Variants in MTUS2 observed in about 807,000 individuals in gnomAD.
The protein encoded by MTUS2 is microtubule associated scaffold protein 2.
Under a neutral mutation model 114.1 loss-of-function variants are expected in MTUS2, and 40 were observed. That is an observed-to-expected ratio of 0.35 (90% CI 0.27 to 0.46). The LOEUF (loss-of-function observed/expected upper bound fraction) is 0.46, where lower values mean the gene tolerates loss of function less well. MTUS2 is among the 20% of genes least tolerant of loss of function. The probability of loss-of-function intolerance (pLI) is 1.00; values close to 1 mark genes in which losing one functional copy is unlikely to be tolerated. For missense variants in MTUS2, 1,679 were observed against 1,705.4 expected (o/e 0.98, Z 0.27); for synonymous variants, 688 against 672.0 (o/e 1.02, Z -0.37).
chr13:29,128,853 A>G (rs1215319999), intron 5 of MTUS2, among the ~76,000 whole-genome samples: 2 of 152,160 alleles, frequency 1.3e-5, no homozygotes, highest in Non-Finnish European at 2.9e-5. Context: ...GGTGTTTCAT[A>G]TATATAAAAC....
At chr13:28,877,133 CAA>C (rs576847139) in intron 2 of MTUS2, among the ~76,000 whole-genome samples, 3 of 122,230 alleles carry the variant, frequency 2.5e-5, no homozygotes, top group African/African-American at 5.7e-5. Flanking sequence ...ACTAAAAATA[CAA>C]AAAAAAAAAA....
At chr13:29,088,016 G>A (rs1889769948) in intron 4 of MTUS2, among the ~76,000 whole-genome samples, 2 of 146,650 alleles carry the variant, frequency 1.4e-5, no homozygotes, top group South Asian at 2.1e-4. Context: ...CTGAGATCAT[G>A]CCACTGCACT....
intron 5 of MTUS2, among the ~76,000 whole-genome samples, chr13:29,103,048 A>AT (rs1469509079): frequency 3.3e-5 from 5 of 152,170 alleles, no homozygotes; most frequent in Non-Finnish European, 5.9e-5. Context: ...TGGTATCAGA[A>AT]TCGGTCCTTT....
At chr13:29,171,580 G>T (rs1363900251) in intron 5 of MTUS2, among the ~76,000 whole-genome samples, 3 of 152,160 alleles carry the variant, frequency 2.0e-5, no homozygotes, top group East Asian at 1.9e-4. Flanking sequence ...AAAAGATAAG[G>T]CATGTAAGTT....
chr13:29,344,841 G>A (rs766676428), intron 7 of MTUS2, among the ~76,000 whole-genome samples: 16 of 152,098 alleles, frequency 1.1e-4, no homozygotes, highest in African/African-American at 3.9e-4. Context: ...TAGCAATCTT[G>A]TAGTTCTGGC....
chr13:29,228,026 CTATTT>C (rs1566078652), intron 5 of MTUS2, among the ~76,000 whole-genome samples: 1 of 70,128 alleles, frequency 1.4e-5, no homozygotes. Context: ...TTGGCAGTAT[CTATTT>C]TATATGTATG....
intron 2 of MTUS2, among the ~76,000 whole-genome samples, chr13:28,940,787 C>G (rs1204147562): frequency 6.6e-6 from 1 of 152,042 alleles, no homozygotes; most frequent in Non-Finnish European, 1.5e-5. Flanking sequence ...CTACGCCAAA[C>G]AAATCATGAG....
chr13:29,069,767 G>T (rs1888828050), intron 4 of MTUS2, among the ~76,000 whole-genome samples: 1 of 152,222 alleles, frequency 6.6e-6, no homozygotes, highest in Non-Finnish European at 1.5e-5. Flanking sequence ...TATGGCCCTT[G>T]CAATGACCTG....
intron 2 of MTUS2, among the ~76,000 whole-genome samples, chr13:28,891,654 C>T (rs575339352): frequency 3.1e-4 from 47 of 151,738 alleles, no homozygotes; most frequent in East Asian, 7.8e-4. Flanking sequence ...CCGAGGTGGG[C>T]GGATCTTGAG....
intron 10 of MTUS2, among the ~76,000 whole-genome samples, chr13:29,481,784 C>A (rs923464690): frequency 1.8e-4 from 27 of 152,270 alleles, no homozygotes; most frequent in African/African-American, 6.0e-4. Flanking sequence ...GTTAGTCATT[C>A]TTCTTTCCTA....
intron 4 of MTUS2, among the ~76,000 whole-genome samples, chr13:29,047,272 A>G (rs1338791231): frequency 2.0e-5 from 3 of 152,148 alleles, no homozygotes; most frequent in South Asian, 2.1e-4. Context: ...TTATGGTGAA[A>G]GTGAGTGATG....
In MTUS2 at chr13:29,026,177, C is replaced by T. The variant is rs1485830732; in HGVS notation, c.1479C>T (p.Arg493=). The change falls in exon 3 of 16, where the codon CGC becomes CGT. Residue 493 remains arginine (R), a synonymous_variant. Coordinates refer to ENST00000612955, the MANE Select transcript of MTUS2 (RefSeq NM_001033602.4). ...VPEPLDPQSG[R]SEARESKEVT... is the part of the protein sequence containing the mutation. ...AGCCCCTGGACCCTCAAAGTGGCCG[C>T]TCAGAAGCACGGGAAAGCAAAGAGG... The T allele has an allele frequency of 1.2e-6, 2 of 1,613,982 alleles. No homozygotes were observed. Among genetic ancestry groups the T allele is most frequent in the South Asian group, 1.1e-5 (1 of 91,076 alleles).
intron 2 of MTUS2, among the ~76,000 whole-genome samples, chr13:28,911,425 C>T (rs573066764): frequency 5.6e-4 from 85 of 151,534 alleles, no homozygotes; most frequent in African/African-American, 1.8e-3. Flanking sequence ...CCACCCGCCT[C>T]AGCCTCCCGA....
chr13:29,464,511 G>T (rs1369831622), intron 9 of MTUS2, among the ~76,000 whole-genome samples: 2 of 152,216 alleles, frequency 1.3e-5, no homozygotes, highest in East Asian at 3.9e-4. Flanking sequence ...CCTGGCACAA[G>T]TGATAAAGGC....
chr13:29,152,361 G>A (rs1350544660), intron 5 of MTUS2, among the ~76,000 whole-genome samples: 1 of 152,164 alleles, frequency 6.6e-6, no homozygotes, highest in Non-Finnish European at 1.5e-5. Context: ...ATCGGTGTGT[G>A]ACTTAGAAAT....
At chr13:29,016,658 T>G (rs867250537) in intron 2 of MTUS2, among the ~76,000 whole-genome samples, 3 of 152,176 alleles carry the variant, frequency 2.0e-5, no homozygotes. Context: ...TCTACTCATT[T>G]TATGTAAAAT....
At chr13:29,158,848 G>T (rs1892979859) in intron 5 of MTUS2, among the ~76,000 whole-genome samples, 1 of 152,186 alleles carries the variant, frequency 6.6e-6, no homozygotes, top group South Asian at 2.1e-4. Context: ...AAGGAGCGGG[G>T]ATGGAACCAG....
chr13:29,163,959 C>T (rs1359653147), intron 5 of MTUS2, among the ~76,000 whole-genome samples: 1 of 152,118 alleles, frequency 6.6e-6, no homozygotes, highest in Non-Finnish European at 1.5e-5. Context: ...ACAGCTCGAG[C>T]GCCCTTTTGC....
chr13:29,069,105 G>A (rs1278244333), intron 4 of MTUS2, among the ~76,000 whole-genome samples: 2 of 152,094 alleles, frequency 1.3e-5, no homozygotes, highest in Non-Finnish European at 2.9e-5. Flanking sequence ...TAAGGAGGTG[G>A]ATTTAATTAA....
Sources: allele counts gnomAD v4.1 joint callset (sites outside exome capture counted in the v4.1 genomes callset), GRCh38; gene constraint gnomAD v4.1.1; transcripts MANE v1.5; gene names NCBI Gene and HGNC (gene_info 2026-07-23, HGNC 2026-07-21).